Variants in LDB2 observed in about 807,000 individuals in gnomAD.
LDB2 encodes the protein LIM domain binding 2.
Under a neutral mutation model 44.3 loss-of-function variants are expected in LDB2, and 12 were observed. The observed-to-expected ratio is 0.27, with a 90% confidence interval of 0.17 to 0.44. LDB2 has a LOEUF of 0.44. Ranked by LOEUF, LDB2 falls within the 20% of genes least tolerant of loss-of-function variation. The pLI is 1.00. For synonymous variants in LDB2, 164 were observed against 174.8 expected, an observed-to-expected ratio of 0.94 and a Z score of 0.49; for missense variants, 344 against 473.5, an observed-to-expected ratio of 0.73 and a Z score of 2.54.
At chr4:16,832,345 T>C (rs1395710209) in intron 1 of LDB2, among the ~76,000 whole-genome samples, 1 of 152,156 alleles carries the variant, frequency 6.6e-6, no homozygotes, top group Non-Finnish European at 1.5e-5. Context: ...GAGTTAGGGT[T>C]GCTAAAATTT....
intron 1 of LDB2, among the ~76,000 whole-genome samples, chr4:16,895,207 A>G (rs1272796616): frequency 6.6e-6 from 1 of 152,022 alleles, no homozygotes; most frequent in Non-Finnish European, 1.5e-5. Context: ...ACCCATGCTA[A>G]CTAGTTTGTA....
intron 5 of LDB2, among the ~76,000 whole-genome samples, chr4:16,516,637 C>T (rs1723838988): frequency 6.6e-6 from 1 of 152,200 alleles, no homozygotes; most frequent in South Asian, 2.1e-4. Context: ...CAGCATTGGG[C>T]ATGCTATAAA....
chr4:16,712,058 CA>C (rs1756002247), intron 2 of LDB2, among the ~76,000 whole-genome samples: 1 of 152,018 alleles, frequency 6.6e-6, no homozygotes, highest in African/African-American at 2.4e-5. Context: ...AAAAAATTAA[CA>C]ATTTGGACCT....
At chr4:16,645,474 C>T (rs1032573274) in intron 2 of LDB2, among the ~76,000 whole-genome samples, 16 of 149,542 alleles carry the variant, frequency 1.1e-4, no homozygotes, top group East Asian at 6.0e-4. Flanking sequence ...GAAGCGGAGC[C>T]TGCAGTGAGC....
At chr4:16,642,687 G>A (rs1466594307) in intron 2 of LDB2, among the ~76,000 whole-genome samples, 1 of 152,120 alleles carries the variant, frequency 6.6e-6, no homozygotes, top group Non-Finnish European at 1.5e-5. Flanking sequence ...GGTGGCTCTT[G>A]AAAGGAAGCC....
chr4:16,755,512 TGTGTGTGTGTGTATGTGA>T (rs1474447251), intron 2 of LDB2, among the ~76,000 whole-genome samples: 8 of 98,994 alleles, frequency 8.1e-5, no homozygotes, highest in East Asian at 5.0e-4. Flanking sequence ...TGTGTGTGTG[TGTGTGTGTGTGTATGTGA>T]GAGAGAGAGA....
intron 5 of LDB2, among the ~76,000 whole-genome samples, chr4:16,536,666 C>A (rs1375038613): frequency 1.3e-5 from 2 of 152,180 alleles, no homozygotes; most frequent in Non-Finnish European, 2.9e-5. Flanking sequence ...CCAGTTCTGC[C>A]ACCGTTGGGA....
chr4:16,668,789 T>C (rs971320919), intron 2 of LDB2, among the ~76,000 whole-genome samples: 12 of 152,040 alleles, frequency 7.9e-5, no homozygotes, highest in African/African-American at 2.9e-4. Context: ...GCAAAGAGAG[T>C]CATTACAGCT....
chr4:16,607,835 G>C (rs1231707853), intron 2 of LDB2, among the ~76,000 whole-genome samples: 32 of 152,162 alleles, frequency 2.1e-4, no homozygotes, highest in Admixed American at 2.1e-3. Flanking sequence ...GTGGATAAAT[G>C]TGGACTTGGC....
chr4:16,509,406 TAAAG>T lies in LDB2; in HGVS notation c.740-724_740-721del, dbSNP rs560871587. ...ATTACTGAGGGGAAACTAGACCTCTTAAAGAAAGGCCTATTCAGAAACAGAGAAA... is the reference window on the plus strand; with the variant it reads ...ATTACTGAGGGGAAACTAGACCTCTTAAAGGCCTATTCAGAAACAGAGAAA... On this transcript the variant is annotated intron_variant, in intron 6 of 7. Coordinates refer to ENST00000304523, the MANE Select transcript of LDB2 (RefSeq NM_001290.5). Among the ~76,000 whole-genome samples the T allele has an allele frequency of 7.7e-3, 1,166 of 152,300 alleles. 18 individuals are homozygous for T. Among genetic ancestry groups the T allele is most frequent in the African/African-American group, 0.026 (1,084 of 41,560 alleles).
chr4:16,532,560 T>C (rs1730506853), intron 5 of LDB2, among the ~76,000 whole-genome samples: 1 of 152,216 alleles, frequency 6.6e-6, no homozygotes, highest in South Asian at 2.1e-4. Flanking sequence ...TAGCATATTT[T>C]CAACTTTATT....
chr4:16,656,752 C>T (rs547263568), intron 2 of LDB2, among the ~76,000 whole-genome samples: 6 of 152,150 alleles, frequency 3.9e-5, no homozygotes, highest in East Asian at 1.9e-4. Context: ...ATTGATTCAG[C>T]GTGATTTTTT....
intron 1 of LDB2, among the ~76,000 whole-genome samples, chr4:16,891,892 G>C (rs1454206663): frequency 6.6e-6 from 1 of 152,152 alleles, no homozygotes; most frequent in Non-Finnish European, 1.5e-5. Context: ...TTCAAGAGAG[G>C]TGCTATGGCA....
intron 1 of LDB2, among the ~76,000 whole-genome samples, chr4:16,883,439 AT>A (rs1211718186): frequency 6.6e-6 from 1 of 152,232 alleles, no homozygotes; most frequent in Non-Finnish European, 1.5e-5. Context: ...AAAAACACAC[AT>A]TCAATGCACA....
intron 1 of LDB2, among the ~76,000 whole-genome samples, chr4:16,781,687 G>A (rs912147065): frequency 1.3e-5 from 2 of 152,154 alleles, no homozygotes; most frequent in African/African-American, 2.4e-5. Flanking sequence ...AACTGTGCTC[G>A]ATTGAATGGT....
chr4:16,558,476 T>C (rs557627166), intron 5 of LDB2, among the ~76,000 whole-genome samples: 2 of 151,990 alleles, frequency 1.3e-5, no homozygotes, highest in South Asian at 4.2e-4. Flanking sequence ...GAAGACGAAA[T>C]GAATGAAATG....
Position 16,674,034 on chromosome 4 carries a change from A to G in LDB2, c.236-78159T>C, listed in dbSNP as rs558278387. Among the ~76,000 whole-genome samples, 10 of 152,302 alleles carry G rather than the reference A, an allele frequency of 6.6e-5. No homozygotes were observed. In the East Asian group the frequency reaches 1.9e-3, roughly 29 times the overall value. On this transcript the variant is annotated intron_variant, in intron 2 of 7. Transcript: ENST00000304523. ...AATAATCATAATGGGAACAACTCGC[A>G]TTTGTATATCGCCTTAGTGTTTACC...
At chr4:16,755,343 C>T (rs1461155039) in intron 2 of LDB2, among the ~76,000 whole-genome samples, 1 of 152,152 alleles carries the variant, frequency 6.6e-6, no homozygotes, top group African/African-American at 2.4e-5. Context: ...AACCTGATCC[C>T]TGGCTTTCTT....
intron 2 of LDB2, among the ~76,000 whole-genome samples, chr4:16,731,396 G>A (rs992332608): frequency 6.6e-5 from 10 of 152,156 alleles, no homozygotes; most frequent in African/African-American, 2.4e-4. Flanking sequence ...ATTTGGAAAC[G>A]GGGCCTTTGG....
Sources: allele counts gnomAD v4.1 joint callset (sites outside exome capture counted in the v4.1 genomes callset), GRCh38; gene constraint gnomAD v4.1.1; transcripts MANE v1.5; gene names NCBI Gene and HGNC (gene_info 2026-07-23, HGNC 2026-07-21).